The following SNTG2 variants were observed in gnomAD, a reference collection of about 807,000 sequenced individuals.
The protein encoded by SNTG2 is syntrophin gamma 2, also known as gamma-2-syntrophin.
A neutral mutation model predicts 70.9 loss-of-function variants in SNTG2; 74 were observed. That is an observed-to-expected ratio of 1.04 (90% CI 0.86 to 1.27). The LOEUF (loss-of-function observed/expected upper bound fraction) is 1.27. Among genes scored for constraint, SNTG2 ranks in the 50% most tolerant of loss-of-function variants. The pLI is 0.00. For missense variants in SNTG2, 717 were observed against 690.7 expected (o/e 1.04, Z -0.43); for synonymous variants, 278 against 273.8 (o/e 1.02, Z -0.15).
Position 1,090,148 on chromosome 2 carries a change from A to G in SNTG2, c.210+6493A>G, listed in dbSNP as rs1387760781. On this transcript the variant is annotated intron_variant, in intron 2 of 16. Transcript: ENST00000308624. ...TGCTTTTTAAATGGATCTACAATGC[A>G]TGAAGATAAAACCTGCTCCATGTAG... 2.0e-5 allele frequency among the ~76,000 whole-genome samples: 3 copies of G among 152,338 alleles called. No homozygotes were observed. The East Asian group carries it at 5.8e-4, about 29-fold the overall frequency.
At chr2:1,115,583 G>A (rs1666903322) in intron 4 of SNTG2, among the ~76,000 whole-genome samples, 1 of 151,342 alleles carries the variant, frequency 6.6e-6, no homozygotes, top group Non-Finnish European at 1.5e-5. Context: ...TACTAAGTGA[G>A]GTTTGTCCCT....
intron 16 of SNTG2, among the ~76,000 whole-genome samples, chr2:1,346,810 C>T (rs1419248714): frequency 6.6e-6 from 1 of 152,030 alleles, no homozygotes; most frequent in African/African-American, 2.4e-5. Flanking sequence ...AAGTGGGTAT[C>T]TCCAAGCGGG....
intron 1 of SNTG2, among the ~76,000 whole-genome samples, chr2:1,004,652 G>T (rs1460980814): frequency 6.6e-6 from 1 of 152,192 alleles, no homozygotes; most frequent in Non-Finnish European, 1.5e-5. Context: ...CCAAAACGCT[G>T]ACAGCACCAG....
chr2:980,442 T>A (rs1339497864), intron 1 of SNTG2, among the ~76,000 whole-genome samples: 1 of 152,222 alleles, frequency 6.6e-6, no homozygotes, highest in African/African-American at 2.4e-5. Context: ...TTCTAAGTCA[T>A]TGGGACTCTG....
At chr2:1,232,092 C>A (rs1676292003) in intron 9 of SNTG2, among the ~76,000 whole-genome samples, 2 of 152,118 alleles carry the variant, frequency 1.3e-5, no homozygotes, top group Admixed American at 6.5e-5. Flanking sequence ...GATGGGGCCT[C>A]CTGCCTCTCC....
intron 16 of SNTG2, chr2:1,346,368 G>A (rs977419327): frequency 6.6e-6 from 1 of 152,250 alleles, no homozygotes; most frequent in Non-Finnish European, 1.5e-5. Flanking sequence ...GTAGAGGGCA[G>A]GCTCACCCTG....
intron 8 of SNTG2, among the ~76,000 whole-genome samples, chr2:1,184,666 C>G (rs1198392415): frequency 1.3e-5 from 2 of 152,144 alleles, no homozygotes; most frequent in Non-Finnish European, 2.9e-5. Context: ...ACAACCAGAT[C>G]TTATGAGAAC....
intron 11 of SNTG2, among the ~76,000 whole-genome samples, chr2:1,240,577 A>C (rs1373199944): frequency 6.6e-6 from 1 of 152,242 alleles, no homozygotes; most frequent in Non-Finnish European, 1.5e-5. Context: ...AAGAAAACTG[A>C]GAAAAACATG....
At chr2:1,349,821 G>A (rs768578087) in intron 16 of SNTG2, among the ~76,000 whole-genome samples, 2 of 152,136 alleles carry the variant, frequency 1.3e-5, no homozygotes, top group Non-Finnish European at 2.9e-5. Flanking sequence ...TTTGTTCATC[G>A]TGAACCTGGG....
chr2:1,289,764 G>T (rs896076172), intron 14 of SNTG2, among the ~76,000 whole-genome samples: 2 of 152,154 alleles, frequency 1.3e-5, no homozygotes, highest in African/African-American at 4.8e-5. Context: ...CAAAGCCGAA[G>T]CTCCATTGCC....
chr2:1,320,288 A>G (rs1215790614), intron 16 of SNTG2, among the ~76,000 whole-genome samples: 2 of 152,058 alleles, frequency 1.3e-5, no homozygotes, highest in South Asian at 2.1e-4. Context: ...TAATCTCAGC[A>G]CTTTGGGAGG....
intron 1 of SNTG2, among the ~76,000 whole-genome samples, chr2:1,049,712 C>T (rs561628629): frequency 2.6e-4 from 40 of 152,302 alleles, no homozygotes; most frequent in African/African-American, 8.9e-4. Flanking sequence ...TTGTGAGAGA[C>T]TGCCACACTG....
At chr2:1,170,626 G>A (rs115061570) in intron 7 of SNTG2, among the ~76,000 whole-genome samples, 7 of 151,830 alleles carry the variant, frequency 4.6e-5, no homozygotes, top group East Asian at 2.0e-4. Flanking sequence ...TTCAGAGTCC[G>A]CCCCCAATGT....
At chr2:1,296,318 A>T (rs965082212) in intron 14 of SNTG2, among the ~76,000 whole-genome samples, 1 of 152,196 alleles carries the variant, frequency 6.6e-6, no homozygotes, top group Non-Finnish European at 1.5e-5. Flanking sequence ...TTTATTAATC[A>T]TTTGATTTTT....
At chr2:1,038,191 A>G (rs1172312911) in intron 1 of SNTG2, among the ~76,000 whole-genome samples, 1 of 152,206 alleles carries the variant, frequency 6.6e-6, no homozygotes, top group Non-Finnish European at 1.5e-5. Flanking sequence ...TCATGGCCTC[A>G]TGACCAATTT....
intron 16 of SNTG2, among the ~76,000 whole-genome samples, chr2:1,365,267 G>A (rs545409329): frequency 8.5e-5 from 13 of 152,266 alleles, no homozygotes; most frequent in South Asian, 2.1e-4. Context: ...GTGTAATGAC[G>A]CTTTATGAAA....
intron 16 of SNTG2, among the ~76,000 whole-genome samples, chr2:1,324,407 T>C (rs1282132103): frequency 6.6e-6 from 1 of 152,146 alleles, no homozygotes; most frequent in African/African-American, 2.4e-5. Flanking sequence ...AGTAGAAATA[T>C]AGTGCATATA....
chr2:1,038,441 G>A (rs1287662568), intron 1 of SNTG2, among the ~76,000 whole-genome samples: 1 of 152,158 alleles, frequency 6.6e-6, no homozygotes, highest in Non-Finnish European at 1.5e-5. Flanking sequence ...ACTTCTCAAA[G>A]TATTGTGTCA....
intron 1 of SNTG2, among the ~76,000 whole-genome samples, chr2:1,063,642 T>C (rs947318464): frequency 3.3e-5 from 5 of 152,256 alleles, no homozygotes; most frequent in Admixed American, 1.3e-4. Context: ...AGGTTATTAA[T>C]GAAAAACATG....
Sources: gnomAD v4.1 joint callset for allele counts (sites outside exome capture counted in the v4.1 genomes callset) on GRCh38, gnomAD v4.1.1 for gene constraint, MANE v1.5 for transcripts, NCBI Gene and HGNC (gene_info 2026-07-23, HGNC 2026-07-21) for gene names.